The following ARL13B variants were observed in gnomAD, a reference collection of about 807,000 sequenced individuals.
ARL13B encodes the protein ARF like GTPase 13B.
Under a neutral mutation model 56.1 loss-of-function variants are expected in ARL13B, and 36 were observed. The observed-to-expected ratio is 0.64, with a 90% CI of 0.49 to 0.85. The LOEUF (loss-of-function observed/expected upper bound fraction) is 0.85. Among genes scored for constraint, ARL13B ranks in the 40% least tolerant of loss-of-function variants. The pLI is 0.00. For missense variants in ARL13B, 519 were observed against 507.1 expected, an observed-to-expected ratio of 1.02 and a Z score of -0.23; for synonymous variants, 178 against 171.1, an observed-to-expected ratio of 1.04 and a Z score of -0.32.
chr3:94,018,258 G>A (rs533909975), intron 3 of ARL13B, among the ~76,000 whole-genome samples: 10 of 151,888 alleles, frequency 6.6e-5, no homozygotes, highest in African/African-American at 2.4e-4. Context: ...TCCTGGGGAG[G>A]GGGTGGGAGT....
At chr3:94,003,338 T>A (rs2076084064) in intron 2 of ARL13B, among the ~76,000 whole-genome samples, 1 of 152,150 alleles carries the variant, frequency 6.6e-6, no homozygotes, top group African/African-American at 2.4e-5. Flanking sequence ...AAGGTTGACA[T>A]TTTTATTGTT....
At chr3:93,982,061 A>G (rs1392435841) in intron 1 of ARL13B, among the ~76,000 whole-genome samples, 1 of 152,154 alleles carries the variant, frequency 6.6e-6, no homozygotes, top group Non-Finnish European at 1.5e-5. Flanking sequence ...CTGTGAAGGC[A>G]TGTATATAAC....
intron 3 of ARL13B, among the ~76,000 whole-genome samples, chr3:94,010,443 G>T (rs1162590444): frequency 6.6e-6 from 1 of 151,998 alleles, no homozygotes; most frequent in Non-Finnish European, 1.5e-5. Context: ...AAATGGCACA[G>T]TTTAGTAGTT....
intron 2 of ARL13B, among the ~76,000 whole-genome samples, chr3:94,001,986 G>A (rs2076063281): frequency 1.3e-5 from 2 of 152,154 alleles, no homozygotes; most frequent in African/African-American, 4.8e-5. Flanking sequence ...AGTATGACTT[G>A]TAGTGGCTCT....
At chr3:93,980,562 C>A (rs1575913473) in intron 1 of ARL13B, 80 bp downstream of exon 1, 1 of 1,557,106 alleles carries the variant, frequency 6.4e-7, no homozygotes. Flanking sequence ...GCCTTTTCCC[C>A]GCGCCTGGAC....
intron 7 of ARL13B, among the ~76,000 whole-genome samples, chr3:94,047,381 G>A (rs2076999771): frequency 6.6e-6 from 1 of 152,276 alleles, no homozygotes; most frequent in East Asian, 1.9e-4. Context: ...ACCTATTACA[G>A]TGGTCGCTAA....
chr3:93,983,611 C>A (rs1710316653), intron 1 of ARL13B, among the ~76,000 whole-genome samples: 1 of 152,098 alleles, frequency 6.6e-6, no homozygotes, highest in Admixed American at 6.5e-5. Flanking sequence ...ATCTCCTTCA[C>A]ATTATAGGGG....
intron 1 of ARL13B, chr3:93,989,034 T>A (rs1432308478): frequency 4.0e-6 from 1 of 251,256 alleles, no homozygotes. Context: ...CTACTGGCAC[T>A]CCTCCCGCTG....
chr3:94,051,582 C>A (rs1243919706), intron 9 of ARL13B, among the ~76,000 whole-genome samples: 1 of 152,012 alleles, frequency 6.6e-6, no homozygotes, highest in Non-Finnish European at 1.5e-5. Context: ...TGATTACAGA[C>A]CATCAGTCTA....
chr3:94,022,286 C>T (rs1027858149), intron 3 of ARL13B, among the ~76,000 whole-genome samples: 7 of 151,990 alleles, frequency 4.6e-5, no homozygotes, highest in African/African-American at 1.7e-4. Flanking sequence ...CCACCACGCA[C>T]AGCTAATTTT....
At chr3:94,027,348 T>A (rs985416369) in intron 3 of ARL13B, among the ~76,000 whole-genome samples, 2 of 152,164 alleles carry the variant, frequency 1.3e-5, no homozygotes, top group East Asian at 3.9e-4. Flanking sequence ...GTATCTGACT[T>A]TTTTTGCAAT....
intron 3 of ARL13B, among the ~76,000 whole-genome samples, chr3:94,020,795 A>G (rs1266887801): frequency 1.3e-5 from 2 of 152,152 alleles, no homozygotes; most frequent in African/African-American, 4.8e-5. Flanking sequence ...TATTTCACCT[A>G]TTTTAAATAC....
chr3:94,028,554 G>A (rs868855260), intron 3 of ARL13B: 50 of 152,344 alleles, frequency 3.3e-4, no homozygotes, highest in African/African-American at 1.1e-3. Flanking sequence ...TCAAATAAGA[G>A]ATAAAGTTGT....
At chr3:94,044,541 T>C (rs2076942421) in intron 7 of ARL13B, among the ~76,000 whole-genome samples, 1 of 140,042 alleles carries the variant, frequency 7.1e-6, no homozygotes, top group Non-Finnish European at 1.5e-5. Flanking sequence ...CCGCTCCATC[T>C]GGGAGGTGAG....
At chr3:93,985,503 A>G (rs1710414607) in intron 1 of ARL13B, among the ~76,000 whole-genome samples, 1 of 152,222 alleles carries the variant, frequency 6.6e-6, no homozygotes, top group South Asian at 2.1e-4. Flanking sequence ...AATTTTGCAT[A>G]CAAATTTTGG....
chr3:94,019,299 C>T (rs2076399197), intron 3 of ARL13B, among the ~76,000 whole-genome samples: 2 of 152,018 alleles, frequency 1.3e-5, no homozygotes. Context: ...CAGGTTCAAT[C>T]GATTCTTCTG....
intron 3 of ARL13B, among the ~76,000 whole-genome samples, chr3:94,017,038 T>C (rs907485152): frequency 6.6e-6 from 1 of 152,192 alleles, no homozygotes; most frequent in Non-Finnish European, 1.5e-5. Context: ...GCCAACTCTA[T>C]GCTATTCAGA....
rs562201757 is a variant in ARL13B, at chr3:94,048,684, A to G, written c.1025-722A>G. 3.9e-5 allele frequency among the ~76,000 whole-genome samples: 6 copies of G among 151,958 alleles called. No individual in the cohort carries two copies. The East Asian group carries it at 9.7e-4, about 25-fold the overall frequency. ...CACACTCACTGCAGCCTTGAACTCCAGGGCTCAAGTGATCCTTCTGCCTCA... is the reference window on the plus strand; with the variant it reads ...CACACTCACTGCAGCCTTGAACTCCGGGGCTCAAGTGATCCTTCTGCCTCA... On this transcript the variant is annotated intron_variant, in intron 7 of 9. Transcript: ENST00000394222.
chr3:94,048,037 C>CACAT (rs71105172), intron 7 of ARL13B: 1 of 149,162 alleles, frequency 6.7e-6, no homozygotes, highest in Non-Finnish European at 1.5e-5. Flanking sequence ...CACACACACA[C>CACAT]GGCAATTTTG....
Sources: gnomAD v4.1 joint callset for allele counts (sites outside exome capture counted in the v4.1 genomes callset) on GRCh38, gnomAD v4.1.1 for gene constraint, MANE v1.5 for transcripts, NCBI Gene and HGNC (gene_info 2026-07-23, HGNC 2026-07-21) for gene names.